Variants in CCND2 observed in about 807,000 individuals in gnomAD.
CCND2 encodes G1/S-specific cyclin-D2.
A neutral mutation model predicts 30.2 loss-of-function variants in CCND2; 6 were observed. The observed-to-expected ratio is 0.20, with a 90% CI of 0.11 to 0.39. The LOEUF is 0.39. CCND2 is among the 10% of genes least tolerant of loss of function. The pLI, the probability that CCND2 is intolerant of heterozygous loss-of-function variation, is 1.00. For synonymous variants in CCND2, 150 were observed against 153.1 expected (o/e 0.98, Z 0.15); for missense variants, 235 against 373.4 (o/e 0.63, Z 3.06).
At position 4,274,525 on chromosome 12, in the gene CCND2, AC is replaced by A; in HGVS notation, c.195+296del. On this transcript the variant is annotated intron_variant, in intron 1 of 4. Transcript: ENST00000261254. This position sits in a 1 kb window ranked among gnomAD's most constrained non-coding sequence, Gnocchi z 7.7. ...CTGCATGTGGCTGCCTCTTCTTCCC[AC>A]CCCCCTCGCGACCTGTCTTTTGCGA... Among the ~76,000 whole-genome samples the A allele has an allele frequency of 1.3e-5, 2 of 150,616 alleles. No individual in the cohort carries two copies. Among genetic ancestry groups the A allele is most frequent in the Middle Eastern group, 6.8e-3 (2 of 292 alleles).
chr12:4,275,920 G>A, intron 1 of CCND2, 85 bp from the exon 2 acceptor site: 4 of 868,350 alleles, frequency 4.6e-6, no homozygotes, highest in Middle Eastern at 4.7e-4. Flanking sequence ...TGTTTCGATA[G>A]ATTACGCTTT....
At chr12:4,296,077 T>C (rs1416427601) in intron 4 of CCND2, among the ~76,000 whole-genome samples, 1 of 152,172 alleles carries the variant, frequency 6.6e-6, no homozygotes, top group East Asian at 1.9e-4. Flanking sequence ...AAGGGAGGGC[T>C]GATAGCAGAA....
At position 4,300,535 on chromosome 12, in the gene CCND2, T is replaced by C; in HGVS notation, c.*526T>C. ...AATCTCTCAACATGATTGAACCATT[T>C]GGGATGGAGAAGCACCTTTGCTCTC... On this transcript the variant is annotated 3_prime_UTR_variant, in exon 5 of 5. Coordinates refer to ENST00000261254, the MANE Select transcript of CCND2 (RefSeq NM_001759.4). 1 of 234,684 alleles carries C rather than the reference T, an allele frequency of 4.3e-6. No individual in the cohort carries two copies. The allele number at this position is 234,684 out of a possible 1,614,324, so 14.5% of individuals were successfully genotyped here.
intron 3 of CCND2, among the ~76,000 whole-genome samples, chr12:4,284,936 G>A (rs748658262): frequency 2.0e-5 from 3 of 151,870 alleles, no homozygotes; most frequent in Non-Finnish European, 2.9e-5. Context: ...GGGTTTCACC[G>A]TGTTGGCCAG....
At chr12:4,279,169 G>C (rs1863913764) in intron 3 of CCND2, among the ~76,000 whole-genome samples, 1 of 152,156 alleles carries the variant, frequency 6.6e-6, no homozygotes, top group South Asian at 2.1e-4. Context: ...AAAAAAATTA[G>C]TGCCTGTTAA....
At chr12:4,298,911 C>T (rs1398732531) in intron 4 of CCND2, among the ~76,000 whole-genome samples, 1 of 152,184 alleles carries the variant, frequency 6.6e-6, no homozygotes, top group Non-Finnish European at 1.5e-5. Flanking sequence ...TCAATTACCC[C>T]TACAATATAG....
Position 4,304,112 on chromosome 12 carries a change from A to G in CCND2, c.*4103A>G, listed in dbSNP as rs1004468365. On this transcript the variant is annotated 3_prime_UTR_variant, in exon 5 of 5. Transcript: ENST00000261254. The surrounding 1 kb of genome is among the most constrained non-coding windows in gnomAD (Gnocchi z 6.2). ...ATCAGATGACTCTCTCCAAGAGGGC[A>G]GGGGAATTTTCTCTCCATGGGCCAC... 4.3e-6 allele frequency: 1 copy of G among 233,240 alleles called. No homozygotes were observed. The highest frequency in any genetic ancestry group is 8.5e-6 in the Non-Finnish European group (1 of 118,014). 14.4% of individuals were successfully genotyped at this position (233,240 alleles called of 1,614,324 possible).
chr12:4,294,303 G>A (rs1864138976), intron 4 of CCND2, among the ~76,000 whole-genome samples: 1 of 151,984 alleles, frequency 6.6e-6, no homozygotes, highest in Non-Finnish European at 1.5e-5. Flanking sequence ...GGCAAGGGAG[G>A]GGGCCTATCA....
chr12:4,304,130 T>C lies in CCND2; in HGVS notation c.*4121T>C, dbSNP rs897524995. 8.6e-6 allele frequency: 2 copies of C among 233,242 alleles called. No homozygotes were observed. The highest frequency in any genetic ancestry group is 2.2e-5 in the African/African-American group (1 of 45,332). The allele number at this position is 233,242 out of a possible 1,614,324, so 14.4% of individuals were successfully genotyped here. Reference sequence around the variant, plus strand: ...AGAGGGCAGGGGAATTTTCTCTCCATGGGCCACAGGGGACAGGGCTGGGAG... The same window carrying C: ...AGAGGGCAGGGGAATTTTCTCTCCACGGGCCACAGGGGACAGGGCTGGGAG... On this transcript the variant is annotated 3_prime_UTR_variant, in exon 5 of 5. Coordinates refer to ENST00000261254, the MANE Select transcript of CCND2 (RefSeq NM_001759.4). This position sits in a 1 kb window ranked among gnomAD's most constrained non-coding sequence, Gnocchi z 6.2.
intron 3 of CCND2, among the ~76,000 whole-genome samples, chr12:4,280,909 C>T (rs1402817225): frequency 4.6e-5 from 7 of 152,354 alleles, no homozygotes; most frequent in South Asian, 2.1e-4. Context: ...CCCCAGATTC[C>T]GTCTAGACCC....
chr12:4,275,178 T>C (rs1402583558), intron 1 of CCND2: 2 of 152,134 alleles, frequency 1.3e-5, no homozygotes, highest in African/African-American at 4.8e-5. Flanking sequence ...TTCCCCTCGC[T>C]CGTCACCGCG....
At position 4,304,809 on chromosome 12, in the gene CCND2, T is replaced by A. The variant is rs146593405; in HGVS notation, c.*4800T>A. 2.6e-5 allele frequency: 6 copies of A among 233,676 alleles called. No homozygotes were observed. The highest frequency in any genetic ancestry group is 6.0e-5 in the East Asian group (1 of 16,588). 14.5% of individuals were successfully genotyped at this position (233,676 alleles called of 1,614,324 possible). Reference sequence around the variant, plus strand: ...GTGCCTGTCCTTGAAAAACAAAGTTTCTATTTTTATTTTTAATTGGTTTAG... The same window carrying A: ...GTGCCTGTCCTTGAAAAACAAAGTTACTATTTTTATTTTTAATTGGTTTAG... On this transcript the variant is annotated 3_prime_UTR_variant, in exon 5 of 5. Coordinates refer to ENST00000261254, the MANE Select transcript of CCND2 (RefSeq NM_001759.4). The surrounding 1 kb of genome is among the most constrained non-coding windows in gnomAD (Gnocchi z 6.2).
chr12:4,305,020 A>G lies in CCND2; in HGVS notation c.*5011A>G, dbSNP rs987600465. The G allele has an allele frequency of 8.7e-6, 2 of 231,168 alleles. No homozygotes were observed. Among genetic ancestry groups the G allele is most frequent in the Non-Finnish European group, 1.7e-5 (2 of 117,716 alleles). 14.3% of individuals were successfully genotyped at this position (231,168 alleles called of 1,614,324 possible). ...TTTTTCTTTTTTTTTTTGCTTTAAA[A>G]CAAGTGTGATGCCATATCAAGTCCA... is the stretch of plus-strand genomic sequence containing the variant. On this transcript the variant is annotated 3_prime_UTR_variant, in exon 5 of 5. Coordinates refer to ENST00000261254, the MANE Select transcript of CCND2 (RefSeq NM_001759.4). This position sits in a 1 kb window ranked among gnomAD's most constrained non-coding sequence, Gnocchi z 6.4.
intron 3 of CCND2, among the ~76,000 whole-genome samples, chr12:4,279,497 G>A (rs372912015): frequency 6.6e-6 from 1 of 152,022 alleles, no homozygotes; most frequent in African/African-American, 2.4e-5. Context: ...TTGGCTTTCG[G>A]TGAGGCTTTA....
rs1441336060 is a variant in CCND2, at chr12:4,299,275, G to A, written c.721-585G>A. 2.0e-5 allele frequency among the ~76,000 whole-genome samples: 3 copies of A among 152,152 alleles called. No individual in the cohort carries two copies. The highest frequency in any genetic ancestry group is 4.8e-5 in the African/African-American group (2 of 41,432). ...CTTGGGAGGCTGAGGCAGGAGAATCGCTTGAACCCGGAAGGTGGAGGTTGC... is the reference window on the plus strand; with the variant it reads ...CTTGGGAGGCTGAGGCAGGAGAATCACTTGAACCCGGAAGGTGGAGGTTGC... On this transcript the variant is annotated intron_variant, in intron 4 of 4. Transcript: ENST00000261254. The surrounding 1 kb of genome is among the most constrained non-coding windows in gnomAD (Gnocchi z 5.2).
chr12:4,291,300 G>A (rs1296824600), intron 4 of CCND2, among the ~76,000 whole-genome samples: 7 of 150,090 alleles, frequency 4.7e-5, no homozygotes, highest in South Asian at 2.2e-4. Flanking sequence ...AAAAGCTGAC[G>A]CTCAGAGGGA....
At chr12:4,289,710 A>G (rs555512736) in intron 4 of CCND2, among the ~76,000 whole-genome samples, 12 of 152,302 alleles carry the variant, frequency 7.9e-5, no homozygotes, top group African/African-American at 2.6e-4. Flanking sequence ...TCTGAATTCA[A>G]TCAGCAGGAA....
At chr12:4,280,794 T>A (rs149413618) in intron 3 of CCND2, among the ~76,000 whole-genome samples, 173 of 152,384 alleles carry the variant, frequency 1.1e-3, no homozygotes, top group Non-Finnish European at 1.9e-3. Flanking sequence ...TGCTCAACAC[T>A]GTCTCTTGAC....
rs1864292624 is a variant in CCND2 at position 4,304,691 on chromosome 12, C to G, written c.*4682C>G. 4.3e-6 allele frequency: 1 copy of G among 233,510 alleles called. No individual in the cohort carries two copies. The highest frequency in any genetic ancestry group is 8.5e-6 in the Non-Finnish European group (1 of 118,068). The allele number at this position is 233,510 out of a possible 1,614,324, so 14.5% of individuals were successfully genotyped here. ...GCAAATGTGTACGTGCATGCTGTAG[C>G]TGCAGCCTGCATCCCTTCGCCTGCA... is the stretch of plus-strand genomic sequence containing the variant. On this transcript the variant is annotated 3_prime_UTR_variant, in exon 5 of 5. Transcript: ENST00000261254. This position sits in a 1 kb window ranked among gnomAD's most constrained non-coding sequence, Gnocchi z 6.2.
Sources: gnomAD v4.1 joint callset for allele counts (sites outside exome capture counted in the v4.1 genomes callset) on GRCh38, gnomAD v4.1.1 for gene constraint, Gnocchi (gnomAD v3.1) non-coding constraint, MANE v1.5 for transcripts, NCBI Gene and HGNC (gene_info 2026-07-23, HGNC 2026-07-21) for gene names.